Variants in GTF2A1 observed in about 807,000 individuals in gnomAD.
GTF2A1 encodes the protein transcription initiation factor IIA subunit 1.
GTF2A1 carries 12 observed loss-of-function variants against 54.1 expected under a neutral mutation model. That is an observed-to-expected ratio of 0.22 (90% confidence interval 0.14 to 0.36). The LOEUF is 0.36. GTF2A1 is among the 10% of genes least tolerant of loss of function. GTF2A1 has a pLI of 1.00. For missense variants in GTF2A1, 335 were observed against 442.2 expected (o/e 0.76, Z 2.17); for synonymous variants, 145 against 152.0 (o/e 0.95, Z 0.34).
Position 81,220,523 on chromosome 14 carries a change from A to C in GTF2A1, c.-5T>G. 2 of 1,571,338 alleles carry C rather than the reference A, an allele frequency of 1.3e-6. No homozygotes were observed. Among genetic ancestry groups the C allele is most frequent in the Non-Finnish European group, 1.7e-6 (2 of 1,157,714 alleles). ...TGTATTTGCCGAGTTCGCCATTTCC[A>C]CACACAACACAAACAAGAGGGGGCA... is the stretch of plus-strand genomic sequence containing the variant. On this transcript the variant is annotated 5_prime_UTR_variant, in exon 1 of 9. Transcript: ENST00000553612.
In GTF2A1 at chr14:81,207,812, C is replaced by T. The variant is rs1008871944; in HGVS notation, c.133-3708G>A. The stretch of plus-strand genomic sequence containing the variant: ...TGTTATGTGTTAGCAAAGAGACTGG[C>T]GGCATTTTGCCGCTGCCCGAGAGAT... On this transcript the variant is annotated intron_variant, in intron 2 of 8. Coordinates refer to ENST00000553612, the MANE Select transcript of GTF2A1 (RefSeq NM_015859.4). 2.0e-5 allele frequency among the ~76,000 whole-genome samples: 3 copies of T among 152,218 alleles called. No homozygotes were observed. The South Asian group carries it at 6.2e-4, about 31-fold the overall frequency.
chr14:81,216,117 G>C (rs190257116), intron 2 of GTF2A1, among the ~76,000 whole-genome samples: 39 of 152,308 alleles, frequency 2.6e-4, no homozygotes, highest in Middle Eastern at 3.4e-3. Flanking sequence ...AATAATAACT[G>C]CTAATGCTAC....
chr14:81,195,810 C>G (rs1042408614), intron 6 of GTF2A1, among the ~76,000 whole-genome samples: 5 of 151,906 alleles, frequency 3.3e-5, no homozygotes, highest in African/African-American at 4.8e-5. Flanking sequence ...GTGAATACCC[C>G]GAGACTCAGT....
intron 2 of GTF2A1, among the ~76,000 whole-genome samples, chr14:81,206,788 TTCTC>T (rs991387556): frequency 1.5e-4 from 23 of 152,074 alleles, no homozygotes; most frequent in African/African-American, 5.5e-4. Context: ...TTTCCTTTCT[TTCTC>T]TCTCCTTCCC....
intron 8 of GTF2A1, among the ~76,000 whole-genome samples, chr14:81,184,159 C>A (rs1892692984): frequency 6.6e-6 from 1 of 152,070 alleles, no homozygotes; most frequent in Non-Finnish European, 1.5e-5. Context: ...ACAGTTTGTG[C>A]CAAAGGAGAA....
chr14:81,197,467 A>G lies in GTF2A1; in HGVS notation c.420T>C (p.Ala140=). The G allele has an allele frequency of 6.3e-7, 1 of 1,581,176 alleles. No individual in the cohort carries two copies. Among genetic ancestry groups the G allele is most frequent in the Non-Finnish European group, 8.6e-7 (1 of 1,156,416 alleles). ...NASNMSAAAT[A]ATLALPAGVT... ...CACCTGCAGGGAGTGCTAAGGTAGC[A>G]GCTGTAGCAGCAGCACTCTGAAAAA... Residue 140 remains alanine, a synonymous_variant, in exon 5 of 9, where the codon GCT becomes GCC. Transcript: ENST00000553612.
At chr14:81,182,773 T>C (rs1415162375) in intron 8 of GTF2A1, among the ~76,000 whole-genome samples, 1 of 152,202 alleles carries the variant, frequency 6.6e-6, no homozygotes, top group Non-Finnish European at 1.5e-5. Flanking sequence ...AGCCATGTCC[T>C]TACAAAATCC....
chr14:81,191,043 C>A lies in GTF2A1; in HGVS notation c.933+1476G>T, dbSNP rs147653580. On this transcript the variant is annotated intron_variant, in intron 7 of 8. Transcript: ENST00000553612. ...TAGGGGGAGGAAACGGGCAAGAGAC[C>A]TCAATAAGCACTTCTATACAAAACA... is the stretch of plus-strand genomic sequence containing the variant. Among the ~76,000 whole-genome samples, 472 of 152,146 alleles carry A rather than the reference C, an allele frequency of 3.1e-3. 4 individuals are homozygous for A. Among genetic ancestry groups the A allele is most frequent in the African/African-American group, 0.011 (453 of 41,498 alleles).
intron 1 of GTF2A1, 36 bp from the exon 2 acceptor site, chr14:81,216,550 T>C (rs1893492740): frequency 1.1e-6 from 1 of 915,098 alleles, no homozygotes; most frequent in South Asian, 1.4e-5. Flanking sequence ...AAAAAGACAG[T>C]TTTTCACAGC....
chr14:81,212,646 G>C (rs552475919), intron 2 of GTF2A1, among the ~76,000 whole-genome samples: 1 of 152,192 alleles, frequency 6.6e-6, no homozygotes, highest in African/African-American at 2.4e-5. Flanking sequence ...AGTAGGGAGA[G>C]GGGCTAGAGC....
intron 2 of GTF2A1, among the ~76,000 whole-genome samples, chr14:81,205,273 A>AT (rs1176972231): frequency 2.6e-5 from 4 of 152,082 alleles, no homozygotes; most frequent in African/African-American, 4.8e-5. Context: ...ACTCACAGAG[A>AT]TTTTTTATAA....
intron 2 of GTF2A1, among the ~76,000 whole-genome samples, chr14:81,206,468 G>C (rs1242523742): frequency 6.6e-6 from 1 of 152,180 alleles, no homozygotes; most frequent in African/African-American, 2.4e-5. Context: ...AGAAGATACA[G>C]TGAACAAACC....
intron 2 of GTF2A1, among the ~76,000 whole-genome samples, chr14:81,211,964 C>T (rs1248186652): frequency 6.8e-6 from 1 of 146,008 alleles, no homozygotes; most frequent in African/African-American, 2.6e-5. Flanking sequence ...TGGCCCCCGG[C>T]GACATCTGGC....
At position 81,207,143 on chromosome 14, in the gene GTF2A1, C is replaced by G. The variant is rs758988888; in HGVS notation, c.133-3039G>C. ...TCTATCTATCTACCTACCTACGTAC[C>G]TACCTACCTACCTACCTACCTACCT... On this transcript the variant is annotated intron_variant, in intron 2 of 8. Transcript: ENST00000553612. Among the ~76,000 whole-genome samples the G allele has an allele frequency of 3.8e-4, 6 of 15,862 alleles. No individual in the cohort carries two copies. In the South Asian group the frequency reaches 5.7e-3, roughly 15 times the overall value. 10.4% of individuals were successfully genotyped at this position (15,862 alleles called of 152,430 possible).
intron 2 of GTF2A1, among the ~76,000 whole-genome samples, chr14:81,204,811 AAAAG>A (rs1450215376): frequency 2.6e-5 from 4 of 152,230 alleles, no homozygotes; most frequent in South Asian, 2.1e-4. Context: ...ATAATGGACA[AAAAG>A]AAAGAAAAGA....
intron 2 of GTF2A1, among the ~76,000 whole-genome samples, chr14:81,207,768 C>T (rs1170477270): frequency 6.6e-6 from 1 of 152,212 alleles, no homozygotes; most frequent in Non-Finnish European, 1.5e-5. Context: ...TTGTTAGGAA[C>T]TGAAGCAAAG....
chr14:81,193,535 C>G (rs1324369636), intron 6 of GTF2A1, among the ~76,000 whole-genome samples: 1 of 152,132 alleles, frequency 6.6e-6, no homozygotes, highest in Non-Finnish European at 1.5e-5. Flanking sequence ...TGGCCTCTGT[C>G]GTTTCACTGT....
intron 5 of GTF2A1, chr14:81,197,139 G>A (rs951363221): frequency 1.5e-5 from 4 of 258,240 alleles, no homozygotes; most frequent in African/African-American, 2.2e-5. Flanking sequence ...AAAAAACTAA[G>A]TAAGCATTTT....
chr14:81,187,836 T>C (rs1013344015), intron 7 of GTF2A1, among the ~76,000 whole-genome samples: 1 of 152,212 alleles, frequency 6.6e-6, no homozygotes, highest in African/African-American at 2.4e-5. Flanking sequence ...CTCTTGTGTA[T>C]ATATTTAAGA....
Sources: gnomAD v4.1 joint callset for allele counts (sites outside exome capture counted in the v4.1 genomes callset) on GRCh38, gnomAD v4.1.1 for gene constraint, MANE v1.5 for transcripts, NCBI Gene and HGNC (gene_info 2026-07-23, HGNC 2026-07-21) for gene names.